Variants in GPC5 observed in about 807,000 individuals in gnomAD.
GPC5 encodes glypican 5.
A neutral mutation model predicts 53.9 loss-of-function variants in GPC5; 47 were observed. The observed-to-expected ratio is 0.87, with a 90% CI of 0.69 to 1.11. The LOEUF (loss-of-function observed/expected upper bound fraction) is 1.11, where lower values mean the gene tolerates loss of function less well. GPC5 is among the 50% of genes most tolerant of loss of function. GPC5 has a pLI of 0.00. For synonymous variants in GPC5, 286 were observed against 263.3 expected (o/e 1.09, Z -0.84); for missense variants, 748 against 713.1 (o/e 1.05, Z -0.56).
chr13:91,775,068 G>A (rs1166957762), intron 5 of GPC5, among the ~76,000 whole-genome samples: 1 of 152,074 alleles, frequency 6.6e-6, no homozygotes, highest in Non-Finnish European at 1.5e-5. Context: ...AGGAGAGAAA[G>A]GAGTTCTAGT....
chr13:92,758,855 A>T (rs1312625476), intron 7 of GPC5, among the ~76,000 whole-genome samples: 1 of 151,956 alleles, frequency 6.6e-6, no homozygotes, highest in Non-Finnish European at 1.5e-5. Flanking sequence ...GAGTTTTATG[A>T]TTTCCAGTCT....
intron 2 of GPC5, among the ~76,000 whole-genome samples, chr13:91,483,590 A>C (rs1294945727): frequency 6.6e-6 from 1 of 152,174 alleles, no homozygotes; most frequent in Non-Finnish European, 1.5e-5. Context: ...TGGGGTTTAC[A>C]TTAAGCCTGC....
intron 7 of GPC5, among the ~76,000 whole-genome samples, chr13:92,837,016 G>A (rs1227782181): frequency 1.3e-5 from 2 of 151,986 alleles, no homozygotes; most frequent in Non-Finnish European, 2.9e-5. Flanking sequence ...AAAACTGATG[G>A]GGAAAGAAAT....
chr13:91,577,451 G>A lies in GPC5; in HGVS notation c.326-115736G>A, dbSNP rs559848987. On this transcript the variant is annotated intron_variant, in intron 2 of 7. Coordinates refer to ENST00000377067, the MANE Select transcript of GPC5 (RefSeq NM_004466.6). ...TTTGGAAAGAAGTCCCCTTGCAGAA[G>A]AGCCCTAGGGTCTGTGGACTTTGTC... 3.2e-4 allele frequency among the ~76,000 whole-genome samples: 48 copies of A among 152,262 alleles called. 1 individual carries two copies. In the South Asian group the frequency reaches 8.9e-3, roughly 28 times the overall value.
chr13:91,806,972 C>T (rs1327069106), intron 5 of GPC5, among the ~76,000 whole-genome samples: 8 of 152,160 alleles, frequency 5.3e-5, no homozygotes, highest in Non-Finnish European at 1.2e-4. Flanking sequence ...AGTTTTAATG[C>T]ATTTAATGCA....
intron 7 of GPC5, among the ~76,000 whole-genome samples, chr13:92,569,401 C>T (rs545343118): frequency 2.6e-5 from 4 of 151,944 alleles, no homozygotes; most frequent in Non-Finnish European, 4.4e-5. Flanking sequence ...TCAAATAAGC[C>T]CTTGTGTTGT....
chr13:91,920,701 TA>T (rs1360027861), intron 6 of GPC5, among the ~76,000 whole-genome samples: 15 of 152,154 alleles, frequency 9.9e-5, no homozygotes, highest in Admixed American at 3.3e-4. Flanking sequence ...ATTGATTGCA[TA>T]AAAAAACAGG....
chr13:92,041,549 T>C (rs535087082), intron 6 of GPC5, among the ~76,000 whole-genome samples: 5 of 152,122 alleles, frequency 3.3e-5, no homozygotes, highest in Non-Finnish European at 7.3e-5. Flanking sequence ...AAAAATAAAG[T>C]CACACTCATC....
intron 6 of GPC5, among the ~76,000 whole-genome samples, chr13:91,986,691 C>T (rs2040411296): frequency 6.6e-6 from 1 of 152,212 alleles, no homozygotes; most frequent in African/African-American, 2.4e-5. Flanking sequence ...ATCTTCCTCA[C>T]TAGACCTAAG....
chr13:91,575,788 C>A (rs527340869), intron 2 of GPC5, among the ~76,000 whole-genome samples: 2 of 151,992 alleles, frequency 1.3e-5, no homozygotes, highest in Non-Finnish European at 2.9e-5. Context: ...TTAAGTAAAG[C>A]GGCTATTTTC....
At chr13:92,754,781 T>A (rs890008945) in intron 7 of GPC5, among the ~76,000 whole-genome samples, 5 of 150,954 alleles carry the variant, frequency 3.3e-5, no homozygotes, top group Admixed American at 2.7e-4. Flanking sequence ...AAGAGCTAAC[T>A]ATCCTAAATA....
intron 7 of GPC5, among the ~76,000 whole-genome samples, chr13:92,459,221 C>T (rs1878388464): frequency 1.3e-5 from 2 of 152,124 alleles, no homozygotes; most frequent in South Asian, 4.1e-4. Flanking sequence ...GAATTACACA[C>T]TTGCATAACT....
At chr13:91,545,395 T>G (rs1195384247) in intron 2 of GPC5, among the ~76,000 whole-genome samples, 2 of 152,176 alleles carry the variant, frequency 1.3e-5, no homozygotes, top group African/African-American at 4.8e-5. Flanking sequence ...CTAATACATA[T>G]TTACCCATCT....
At chr13:92,162,616 A>G (rs1412730314) in intron 7 of GPC5, among the ~76,000 whole-genome samples, 1 of 152,198 alleles carries the variant, frequency 6.6e-6, no homozygotes, top group Non-Finnish European at 1.5e-5. Context: ...TAAGAATTAG[A>G]GAATGCTGGG....
rs150687717 is a variant in GPC5, at chr13:92,628,789, C to T, written c.1562-237493C>T. On this transcript the variant is annotated intron_variant, in intron 7 of 7. Transcript: ENST00000377067. ...TGGCCTGGCTGACATTGGACTATACCCATAGATTTGTCATTTTTCTAATTT... is the reference window on the plus strand; with the variant it reads ...TGGCCTGGCTGACATTGGACTATACTCATAGATTTGTCATTTTTCTAATTT... 2.0e-5 allele frequency among the ~76,000 whole-genome samples: 3 copies of T among 152,174 alleles called. No homozygotes were observed. The East Asian group carries it at 5.8e-4, about 29-fold the overall frequency.
Position 91,596,333 on chromosome 13 carries a change from T to C in GPC5, c.326-96854T>C, listed in dbSNP as rs1284767442. Among the ~76,000 whole-genome samples, 5 of 152,354 alleles carry C rather than the reference T, an allele frequency of 3.3e-5. No individual in the cohort carries two copies. The East Asian group carries it at 7.7e-4, about 23-fold the overall frequency. On this transcript the variant is annotated intron_variant, in intron 2 of 7. Transcript: ENST00000377067. ...ATCTCTGCCTTTAAATTATTATGGCTAGATCACATGCTATGTGATTACATT... is the reference window on the plus strand; with the variant it reads ...ATCTCTGCCTTTAAATTATTATGGCCAGATCACATGCTATGTGATTACATT...
chr13:91,462,106 A>G (rs1322334623), intron 2 of GPC5, among the ~76,000 whole-genome samples: 4 of 152,126 alleles, frequency 2.6e-5, no homozygotes, highest in Non-Finnish European at 4.4e-5. Context: ...ACTAAAATCT[A>G]AGGTTTAACT....
intron 7 of GPC5, among the ~76,000 whole-genome samples, chr13:92,659,853 G>T (rs937442336): frequency 1.3e-5 from 2 of 152,142 alleles, no homozygotes; most frequent in African/African-American, 4.8e-5. Context: ...GAAAAGGAAG[G>T]AAGTCTATCA....
At chr13:91,687,214 C>G (rs2139773045) in intron 2 of GPC5, among the ~76,000 whole-genome samples, 1 of 151,992 alleles carries the variant, frequency 6.6e-6, no homozygotes, top group African/African-American at 2.4e-5. Flanking sequence ...TTCGGTTTCT[C>G]TCATTACAAA....
Sources: allele counts gnomAD v4.1 joint callset (sites outside exome capture counted in the v4.1 genomes callset), GRCh38; gene constraint gnomAD v4.1.1; transcripts MANE v1.5; gene names NCBI Gene and HGNC (gene_info 2026-07-23, HGNC 2026-07-21).